Variants in ADD3 observed in about 807,000 individuals in gnomAD.
ADD3 encodes the protein gamma-adducin.
A neutral mutation model predicts 80.2 loss-of-function variants in ADD3; 25 were observed. The ratio of observed to expected loss-of-function variants is 0.31; its 90% confidence interval spans 0.23 to 0.44. The LOEUF (loss-of-function observed/expected upper bound fraction) is 0.44, where lower values mean the gene tolerates loss of function less well. ADD3 is among the 20% of genes least tolerant of loss of function. The pLI is 1.00. For synonymous variants in ADD3, 284 were observed against 289.6 expected, an observed-to-expected ratio of 0.98 and a Z score of 0.20; for missense variants, 829 against 847.5, an observed-to-expected ratio of 0.98 and a Z score of 0.27.
At chr10:110,088,204 C>G (rs1847046621) in intron 1 of ADD3, among the ~76,000 whole-genome samples, 1 of 152,142 alleles carries the variant, frequency 6.6e-6, no homozygotes, top group Non-Finnish European at 1.5e-5. Context: ...CTGTGAGCTT[C>G]TGGGGACATG....
intron 1 of ADD3, among the ~76,000 whole-genome samples, chr10:110,087,757 A>G (rs1467339586): frequency 6.6e-6 from 1 of 152,244 alleles, no homozygotes; most frequent in Non-Finnish European, 1.5e-5. Context: ...TTTCAAAAAT[A>G]GATATTAGGA....
At chr10:110,004,408 C>CCTGTAGTCCCAGGCTGAG (rs1851554413), upstream of ADD3, among the ~76,000 whole-genome samples, 1 of 152,042 alleles carries the variant, frequency 6.6e-6, no homozygotes, top group Non-Finnish European at 1.5e-5. Flanking sequence ...GTGGCATGCG[C>CCTGTAGTCCCAGGCTGAG]CTGTAGTCCC....
chr10:110,000,203 A>T (rs1269710614), intron 1 of ADD3, among the ~76,000 whole-genome samples: 1 of 152,238 alleles, frequency 6.6e-6, no homozygotes, highest in Non-Finnish European at 1.5e-5. Context: ...TATAGGCGTG[A>T]GCCACCGCAC....
At chr10:110,107,578 A>G (rs1448261743) in intron 2 of ADD3, among the ~76,000 whole-genome samples, 1 of 152,124 alleles carries the variant, frequency 6.6e-6, no homozygotes, top group Non-Finnish European at 1.5e-5. Flanking sequence ...ATCATTGCCC[A>G]TTTTGTTTAC....
rs923114316 is a variant in ADD3 at position 110,105,691 on chromosome 10, A to T, written c.195+4843A>T. On this transcript the variant is annotated intron_variant, in intron 2 of 14. Coordinates refer to ENST00000356080, the MANE Select transcript of ADD3 (RefSeq NM_016824.5). ...ACTAACAGTTTTTAATAACAGGGCA[A>T]TGCATACTGCTGTAAGCTTATTTTG... Among the ~76,000 whole-genome samples the T allele has an allele frequency of 9.2e-5, 14 of 152,210 alleles. 1 individual carries two copies. The East Asian group carries it at 2.7e-3, about 29-fold the overall frequency.
chr10:110,045,246 T>C (rs1470522990), intron 1 of ADD3, among the ~76,000 whole-genome samples: 5 of 151,876 alleles, frequency 3.3e-5, no homozygotes, highest in Non-Finnish European at 7.4e-5. Flanking sequence ...CCCAGCTACT[T>C]GGGAGGCTAA....
At chr10:110,055,638 G>C (rs1309571967) in intron 1 of ADD3, among the ~76,000 whole-genome samples, 1 of 152,068 alleles carries the variant, frequency 6.6e-6, no homozygotes, top group Non-Finnish European at 1.5e-5. Context: ...GAACAAAGAG[G>C]CAGGCATCAG....
chr10:110,008,643 C>T (rs1851943667), intron 1 of ADD3, among the ~76,000 whole-genome samples: 1 of 152,160 alleles, frequency 6.6e-6, no homozygotes, highest in Non-Finnish European at 1.5e-5. Flanking sequence ...AAATCAGTTA[C>T]TGGCTGAAGC....
At chr10:110,132,476 G>A in intron 14 of ADD3, 76 bp downstream of exon 14, 4 of 943,984 alleles carry the variant, frequency 4.2e-6, no homozygotes, top group Non-Finnish European at 5.0e-6. Flanking sequence ...GTTTTCACGT[G>A]AGGAAGTTGA....
At chr10:110,119,008 A>G (rs1409170058) in intron 6 of ADD3, among the ~76,000 whole-genome samples, 1 of 152,202 alleles carries the variant, frequency 6.6e-6, no homozygotes, top group Non-Finnish European at 1.5e-5. Flanking sequence ...GACACAGCAT[A>G]TAAGTTGAGT....
chr10:110,035,045 G>A (rs1423614360), intron 1 of ADD3, among the ~76,000 whole-genome samples: 2 of 152,170 alleles, frequency 1.3e-5, no homozygotes, highest in Non-Finnish European at 2.9e-5. Context: ...GCATTTGGAA[G>A]ACCATGTTTG....
chr10:110,130,763 G>A (rs1054949503), intron 13 of ADD3, among the ~76,000 whole-genome samples: 1 of 151,986 alleles, frequency 6.6e-6, no homozygotes, highest in Non-Finnish European at 1.5e-5. Flanking sequence ...GGCTGAGGCA[G>A]GAGAATCGCT....
intron 1 of ADD3, among the ~76,000 whole-genome samples, chr10:110,022,231 A>C (rs959531265): frequency 3.9e-5 from 6 of 152,092 alleles, no homozygotes; most frequent in Non-Finnish European, 7.4e-5. Context: ...GAGAGTTGGA[A>C]CTGTCTTATG....
chr10:110,031,408 T>C (rs772326448), intron 1 of ADD3, among the ~76,000 whole-genome samples: 10 of 152,212 alleles, frequency 6.6e-5, no homozygotes, highest in Non-Finnish European at 1.2e-4. Flanking sequence ...TATTCTAAAT[T>C]ACGAAGAAAC....
chr10:110,093,578 G>A (rs1385071691), intron 1 of ADD3, among the ~76,000 whole-genome samples: 1 of 152,146 alleles, frequency 6.6e-6, no homozygotes, highest in South Asian at 2.1e-4. Context: ...CTGATCAATA[G>A]CCAACGTAGT....
chr10:110,122,865 C>G (rs1851692817), intron 9 of ADD3, among the ~76,000 whole-genome samples: 2 of 151,932 alleles, frequency 1.3e-5, no homozygotes, highest in Non-Finnish European at 2.9e-5. Context: ...TTCCTGGGCT[C>G]AAGCAGTCCT....
chr10:110,048,656 T>A (rs1335204099), intron 1 of ADD3, among the ~76,000 whole-genome samples: 1 of 152,190 alleles, frequency 6.6e-6, no homozygotes, highest in Non-Finnish European at 1.5e-5. Flanking sequence ...TCTGTGGAAC[T>A]TTGAACTTGA....
intron 1 of ADD3, among the ~76,000 whole-genome samples, chr10:110,014,471 T>C (rs1271640678): frequency 6.6e-6 from 1 of 152,188 alleles, no homozygotes; most frequent in Non-Finnish European, 1.5e-5. Context: ...ACAGCCAACT[T>C]TTTAAAGGTG....
At chr10:110,105,187 T>A (rs1209195865) in intron 2 of ADD3, among the ~76,000 whole-genome samples, 1 of 152,186 alleles carries the variant, frequency 6.6e-6, no homozygotes, top group African/African-American at 2.4e-5. Context: ...ATATTTAATT[T>A]TTTAAAATAA....
Sources: allele counts gnomAD v4.1 joint callset (sites outside exome capture counted in the v4.1 genomes callset), GRCh38; gene constraint gnomAD v4.1.1; transcripts MANE v1.5; gene names NCBI Gene and HGNC (gene_info 2026-07-23, HGNC 2026-07-21).